Variants in CNTNAP5 observed in about 807,000 individuals in gnomAD.
CNTNAP5 encodes the protein contactin associated protein family member 5.
Under a neutral mutation model 150.2 loss-of-function variants are expected in CNTNAP5, and 72 were observed. That is an observed-to-expected ratio of 0.48 (90% CI 0.40 to 0.58). The LOEUF (loss-of-function observed/expected upper bound fraction) is 0.58. CNTNAP5 is among the 20% of genes least tolerant of loss of function. The pLI is 0.00. For missense variants in CNTNAP5, 1,636 were observed against 1,626.2 expected, an observed-to-expected ratio of 1.01 and a Z score of -0.10; for synonymous variants, 672 against 619.8, an observed-to-expected ratio of 1.08 and a Z score of -1.25.
chr2:124,440,345 CTT>C (rs201247734), intron 5 of CNTNAP5, among the ~76,000 whole-genome samples: 2 of 151,474 alleles, frequency 1.3e-5, no homozygotes, highest in East Asian at 1.9e-4. Context: ...TCAAGAATGA[CTT>C]TTTTTTTGTC....
rs571024377 is a variant in CNTNAP5, at chr2:124,070,028, A to G, written c.82+44296A>G. Among the ~76,000 whole-genome samples the G allele has an allele frequency of 2.6e-5, 4 of 152,290 alleles. No individual in the cohort carries two copies. The South Asian group carries it at 8.3e-4, about 32-fold the overall frequency. ...TAAGATATAAAGAGAAACAATAAAAAGTTAAAAAGTGGGTGGGTAAAGTTA... is the reference window on the plus strand; with the variant it reads ...TAAGATATAAAGAGAAACAATAAAAGGTTAAAAAGTGGGTGGGTAAAGTTA... On this transcript the variant is annotated intron_variant, in intron 1 of 23. Coordinates refer to ENST00000682447, the MANE Select transcript of CNTNAP5 (RefSeq NM_001367498.1).
chr2:124,169,335 G>A (rs1684878518), intron 1 of CNTNAP5, among the ~76,000 whole-genome samples: 1 of 151,938 alleles, frequency 6.6e-6, no homozygotes, highest in African/African-American at 2.4e-5. Flanking sequence ...CTCACTCAAA[G>A]GACAAATGGA....
chr2:124,378,881 C>A (rs1012778389), intron 3 of CNTNAP5, among the ~76,000 whole-genome samples: 1 of 152,138 alleles, frequency 6.6e-6, no homozygotes, highest in Non-Finnish European at 1.5e-5. Flanking sequence ...GTGAGAACAA[C>A]ATGGAACAAG....
chr2:124,262,682 G>A (rs1454879474), intron 3 of CNTNAP5, among the ~76,000 whole-genome samples: 1 of 151,414 alleles, frequency 6.6e-6, no homozygotes, highest in Non-Finnish European at 1.5e-5. Context: ...TAAGTTCTAG[G>A]GTACATGTGC....
rs58774096 is a variant in CNTNAP5 at position 124,619,842 on chromosome 2, CAT to C, written c.1876+9964_1876+9965del. On this transcript the variant is annotated intron_variant, in intron 12 of 23. Coordinates refer to ENST00000682447, the MANE Select transcript of CNTNAP5 (RefSeq NM_001367498.1). ...AATCTCCTTCTCTCACTGTCTCATT[CAT>C]ATATATATATATATATATATATATA... is the stretch of plus-strand genomic sequence containing the variant. 4.5e-3 allele frequency among the ~76,000 whole-genome samples: 446 copies of C among 98,306 alleles called. 6 individuals are homozygous for C. The highest frequency in any genetic ancestry group is 0.022 in the African/African-American group (375 of 16,772). The allele number at this position is 98,306 out of a possible 152,430, so 64.5% of individuals were successfully genotyped here.
intron 1 of CNTNAP5, among the ~76,000 whole-genome samples, chr2:124,205,244 T>A (rs1685833005): frequency 6.6e-6 from 1 of 151,932 alleles, no homozygotes; most frequent in African/African-American, 2.4e-5. Flanking sequence ...AATGAGTGAG[T>A]TCTCATGAGA....
intron 5 of CNTNAP5, among the ~76,000 whole-genome samples, chr2:124,438,609 G>A (rs1573995319): frequency 6.6e-6 from 1 of 152,118 alleles, no homozygotes; most frequent in African/African-American, 2.4e-5. Flanking sequence ...CAAAGCATGT[G>A]ATTGCATAAT....
intron 8 of CNTNAP5, among the ~76,000 whole-genome samples, chr2:124,508,545 C>T (rs529854975): frequency 9.2e-5 from 14 of 152,244 alleles, no homozygotes; most frequent in South Asian, 4.2e-4. Context: ...TATTGTTAAG[C>T]GCACGTCAGT....
chr2:124,076,685 C>A (rs1411083523), intron 1 of CNTNAP5, among the ~76,000 whole-genome samples: 3 of 152,010 alleles, frequency 2.0e-5, no homozygotes, highest in Non-Finnish European at 4.4e-5. Flanking sequence ...GTGCATTAAC[C>A]CTGTTTTGGA....
intron 11 of CNTNAP5, among the ~76,000 whole-genome samples, chr2:124,574,817 G>A (rs1474986636): frequency 6.6e-6 from 1 of 152,204 alleles, no homozygotes; most frequent in Non-Finnish European, 1.5e-5. Flanking sequence ...TTTTGACTAT[G>A]TAATTCAGAG....
intron 1 of CNTNAP5, among the ~76,000 whole-genome samples, chr2:124,073,631 A>G (rs1682365273): frequency 1.3e-5 from 2 of 152,100 alleles, no homozygotes; most frequent in East Asian, 3.9e-4. Context: ...GGAAAACTAC[A>G]AGGAAGTATC....
chr2:124,683,064 T>C (rs1679105995), intron 13 of CNTNAP5, among the ~76,000 whole-genome samples: 1 of 152,182 alleles, frequency 6.6e-6, no homozygotes, highest in African/African-American at 2.4e-5. Context: ...GAACACTTTT[T>C]TGGGGTAAAG....
At chr2:124,723,220 G>A (rs1680085127) in intron 13 of CNTNAP5, among the ~76,000 whole-genome samples, 1 of 152,138 alleles carries the variant, frequency 6.6e-6, no homozygotes, top group South Asian at 2.1e-4. Flanking sequence ...GACAGTTTGT[G>A]TAGAATTTTC....
chr2:124,644,500 A>T (rs1678163382), intron 12 of CNTNAP5, among the ~76,000 whole-genome samples: 1 of 152,256 alleles, frequency 6.6e-6, no homozygotes, highest in Non-Finnish European at 1.5e-5. Context: ...CAATTCAATG[A>T]GTAAATGAAT....
chr2:124,156,797 C>CTAAT (rs1249115327), intron 1 of CNTNAP5, among the ~76,000 whole-genome samples: 1 of 152,122 alleles, frequency 6.6e-6, no homozygotes, highest in East Asian at 1.9e-4. Context: ...CCCATTTTGC[C>CTAAT]TAATTTTTGA....
At chr2:124,060,666 C>T (rs1011569384) in intron 1 of CNTNAP5, among the ~76,000 whole-genome samples, 4 of 152,270 alleles carry the variant, frequency 2.6e-5, no homozygotes, top group South Asian at 2.1e-4. Flanking sequence ...TACTTCTAAG[C>T]GTCTTTGCAT....
intron 22 of CNTNAP5, among the ~76,000 whole-genome samples, chr2:124,905,649 A>G (rs927880951): frequency 1.3e-5 from 2 of 152,124 alleles, no homozygotes; most frequent in Non-Finnish European, 2.9e-5. Flanking sequence ...TACAGTTCTC[A>G]AGAAAAAGAG....
chr2:124,251,629 A>C (rs2104780341), intron 3 of CNTNAP5, among the ~76,000 whole-genome samples: 1 of 152,274 alleles, frequency 6.6e-6, no homozygotes, highest in Non-Finnish European at 1.5e-5. Context: ...AGGATTCAAG[A>C]GTAGAATGTG....
intron 1 of CNTNAP5, among the ~76,000 whole-genome samples, chr2:124,126,743 C>T (rs538932597): frequency 4.2e-4 from 64 of 151,558 alleles, no homozygotes; most frequent in African/African-American, 1.1e-3. Context: ...TGGGATACAA[C>T]GCTGGTTCAA....
Sources: allele counts gnomAD v4.1 joint callset (sites outside exome capture counted in the v4.1 genomes callset), GRCh38; gene constraint gnomAD v4.1.1; transcripts MANE v1.5; gene names NCBI Gene and HGNC (gene_info 2026-07-23, HGNC 2026-07-21).